The following EP400 variants were observed in gnomAD, a reference collection of about 807,000 sequenced individuals.
EP400 encodes the protein E1A-binding protein p400.
Under a neutral mutation model 354.1 loss-of-function variants are expected in EP400, and 105 were observed. That is an observed-to-expected ratio of 0.30 (90% CI 0.25 to 0.35). The LOEUF (loss-of-function observed/expected upper bound fraction) is 0.35. Among genes scored for constraint, EP400 ranks in the 10% least tolerant of loss-of-function variants. The pLI is 1.00. For synonymous variants in EP400, 1,646 were observed against 1,716.9 expected (o/e 0.96, Z 1.02); for missense variants, 3,280 against 4,121.0 (o/e 0.80, Z 5.59).
At position 132,044,939 on chromosome 12, in the gene EP400, A is replaced by C; in HGVS notation, c.6770A>C (p.Lys2257Thr). 2 of 1,614,082 alleles carry C rather than the reference A, an allele frequency of 1.2e-6. No homozygotes were observed. Among genetic ancestry groups the C allele is most frequent in the Non-Finnish European group, 1.7e-6 (2 of 1,180,028 alleles). Reference sequence around the variant, plus strand: ...GTGAGGAAGGAGCGGAAGCGACACAAAACAGACCCCTCAGGTGCGCATCCC... The same window carrying C: ...GTGAGGAAGGAGCGGAAGCGACACACAACAGACCCCTCAGGTGCGCATCCC... ...VYVRKERKRH[K>T]TDPSAAGRKK... The change falls in exon 37 of 53, where the codon AAA (lysine) becomes ACA (threonine). Residue 2257 changes from lysine to threonine, a missense_variant. Coordinates refer to ENST00000389561, the MANE Select transcript of EP400 (RefSeq NM_015409.5).
At chr12:131,978,404 T>C (rs564982043) in intron 2 of EP400, among the ~76,000 whole-genome samples, 1 of 152,350 alleles carries the variant, frequency 6.6e-6, no homozygotes, top group East Asian at 1.9e-4. Context: ...TCCTCCCCTC[T>C]GCTTTGCACC....
rs1896329106 is a variant in EP400, at chr12:132,079,752, C to G, written c.*2079C>G. ...TGGAGTTTCCGCCCCGATCTCACGTCAGTGAGGGTCTCCTGTCTCTCAAGT... is the reference window on the plus strand; with the variant it reads ...TGGAGTTTCCGCCCCGATCTCACGTGAGTGAGGGTCTCCTGTCTCTCAAGT... On this transcript the variant is annotated 3_prime_UTR_variant, in exon 53 of 53. Transcript: ENST00000389561. 1.3e-5 allele frequency: 2 copies of G among 152,384 alleles called. No individual in the cohort carries two copies. Among genetic ancestry groups the G allele is most frequent in the African/African-American group, 4.8e-5 (2 of 41,596 alleles). 9.4% of individuals were successfully genotyped at this position (152,384 alleles called of 1,614,324 possible). A position where few individuals can be genotyped will look rare whatever the true frequency, so the allele number is the denominator to read the frequency against.
intron 1 of EP400, among the ~76,000 whole-genome samples, chr12:131,957,272 C>T (rs1218193515): frequency 6.6e-6 from 1 of 152,008 alleles, no homozygotes; most frequent in African/African-American, 2.4e-5. Flanking sequence ...TTTGTCGTAC[C>T]TAGTTCAAAT....
intron 27 of EP400, among the ~76,000 whole-genome samples, chr12:132,028,734 G>A (rs901506408): frequency 2.0e-5 from 3 of 152,092 alleles, no homozygotes; most frequent in South Asian, 2.1e-4. Flanking sequence ...GTGGGCACCC[G>A]GCCGCTCTCA....
intron 7 of EP400, among the ~76,000 whole-genome samples, chr12:131,989,440 C>A (rs1593329369): frequency 6.6e-6 from 1 of 152,226 alleles, no homozygotes; most frequent in East Asian, 1.9e-4. Context: ...GGGTGACAGC[C>A]ATTGTGCTCT....
Position 132,053,377 on chromosome 12 carries a change from C to T in EP400, c.7508C>T (p.Ala2503Val). ...GATCAGCAGAAGGCACAGCAGCCGG[C>T]CGTGGCCCAGCCACCCCCGCCCCAG... is the stretch of plus-strand genomic sequence containing the variant. ...LADQQKAQQP[A>V]VAQPPPPQPQ... Residue 2503 changes from alanine to valine, a missense_variant, in exon 43 of 53, where the codon GCC becomes GTC. Ala to Val is a moderately conservative substitution (Grantham distance 64, BLOSUM62 0). This residue lies in a region of EP400 where 255 missense variants were observed against 295.9 expected (regional missense o/e 0.86). Coordinates refer to ENST00000389561, the MANE Select transcript of EP400 (RefSeq NM_015409.5). The T allele has an allele frequency of 1.3e-6, 2 of 1,569,124 alleles. No individual in the cohort carries two copies. The highest frequency in any genetic ancestry group is 4.5e-5 in the East Asian group (2 of 44,420).
chr12:132,060,651 C>T (rs1481986449), intron 45 of EP400, among the ~76,000 whole-genome samples: 2 of 152,134 alleles, frequency 1.3e-5, no homozygotes, highest in Non-Finnish European at 2.9e-5. Flanking sequence ...GGTGTGGTGG[C>T]CCACACCTAT....
chr12:132,008,668 T>C (rs1309053433), intron 15 of EP400, among the ~76,000 whole-genome samples: 1 of 151,182 alleles, frequency 6.6e-6, no homozygotes, highest in Non-Finnish European at 1.5e-5. Context: ...GCACGTTCCG[T>C]CTCCTGGGCT....
In EP400 at chr12:132,032,883, CCTCCCAAAGTGCTGGGATT is replaced by C. The variant is rs1307725162; in HGVS notation, c.5951+735_5951+753del. ...TGACCTCGTGATCCGCCCGCCGTGG[CCTCCCAAAGTGCTGGGATT>C]ACAGGCATGAGCCACTGTGCCCAGC... is the stretch of plus-strand genomic sequence containing the variant. On this transcript the variant is annotated intron_variant, in intron 30 of 52. Coordinates refer to ENST00000389561, the MANE Select transcript of EP400 (RefSeq NM_015409.5). Among the ~76,000 whole-genome samples the C allele has an allele frequency of 3.9e-5, 6 of 152,254 alleles. No individual in the cohort carries two copies. The East Asian group carries it at 7.7e-4, about 20-fold the overall frequency.
chr12:132,062,221 G>T lies in EP400; in HGVS notation c.7996G>T (p.Gly2666Cys). The T allele has an allele frequency of 1.2e-6, 2 of 1,614,176 alleles. No homozygotes were observed. Among genetic ancestry groups the T allele is most frequent in the South Asian group, 2.2e-5 (2 of 91,080 alleles). ...PDLVSMATTQ[G>C]VRAVTSVTAS... ...CCTGGTGTCCATGGCAACGACTCAG[G>T]GTGTTCGAGCGGTCACTTCTGTGAC... Residue 2666 changes from glycine to cysteine, a missense_variant, in exon 46 of 53, where the codon GGT (glycine) becomes TGT (cysteine). Physicochemically the swap from Gly to Cys is radical, Grantham distance 159. Around this residue, in one of 20 missense-constraint regions of EP400, gnomAD observed 255 missense variants for 295.9 expected, o/e 0.86. Coordinates refer to ENST00000389561, the MANE Select transcript of EP400 (RefSeq NM_015409.5).
chr12:132,044,571 C>A, intron 35 of EP400, 100 bp from the exon 36 acceptor site: 1 of 1,434,002 alleles, frequency 7.0e-7, no homozygotes, highest in Non-Finnish European at 9.7e-7. Flanking sequence ...TTGATCAGAA[C>A]TTATTTGAAA....
At position 131,961,894 on chromosome 12, in the gene EP400, TGAA is replaced by T. The variant is rs369745522; in HGVS notation, c.1281_1283del (p.Glu437del). On this transcript the variant is annotated inframe_deletion, in exon 2 of 53. Transcript: ENST00000389561. ...ATCTTAGGCAGAATGATTTGGACAT[TGAA>T]GAAGAGGAGGAGGAGGAGGAAGAGG... 6.6e-5 allele frequency: 106 copies of T among 1,613,922 alleles called. No individual in the cohort carries two copies. The highest frequency in any genetic ancestry group is 8.5e-5 in the Non-Finnish European group (100 of 1,180,010).
At chr12:131,989,640 T>C (rs1340748449) in intron 7 of EP400, among the ~76,000 whole-genome samples, 1 of 152,186 alleles carries the variant, frequency 6.6e-6, no homozygotes, top group African/African-American at 2.4e-5. Flanking sequence ...TGCCGACCCA[T>C]GTTTATTGAA....
chr12:132,033,779 G>A (rs142319956), intron 30 of EP400, among the ~76,000 whole-genome samples: 13 of 152,258 alleles, frequency 8.5e-5, no homozygotes, highest in East Asian at 1.9e-4. Context: ...CAGTCAGCCC[G>A]CCTCAGCCTC....
chr12:132,045,242 C>A, intron 37 of EP400, 77 bp from the exon 38 acceptor site: 1 of 1,573,778 alleles, frequency 6.4e-7, no homozygotes, highest in Non-Finnish European at 8.6e-7. Flanking sequence ...CTTGCCTGAC[C>A]TGTTTCCTTT....
chr12:131,990,032 G>A lies in EP400; in HGVS notation c.2478G>A (p.Glu826=). 1.2e-6 allele frequency: 2 copies of A among 1,613,806 alleles called. No homozygotes were observed. Among genetic ancestry groups the A allele is most frequent in the Non-Finnish European group, 1.7e-6 (2 of 1,179,944 alleles). The change falls in exon 8 of 53, where the codon GAG becomes GAA. Residue 826 remains glutamate (E), a synonymous_variant. Coordinates refer to ENST00000389561, the MANE Select transcript of EP400 (RefSeq NM_015409.5). This position sits in a 1 kb window ranked among gnomAD's most constrained non-coding sequence, Gnocchi z 4.2. ...QLREERGKKE[E]QSRLRRIAAS... is the part of the protein sequence containing the mutation. ...GTGAAGAAAGGGGGAAGAAGGAAGA[G>A]CAGAGCAGACTGAGGCGGATAGCCG...
In EP400 at chr12:132,035,781, C is replaced by T. The variant is rs577689161; in HGVS notation, c.5952-1901C>T. Among the ~76,000 whole-genome samples the T allele has an allele frequency of 1.1e-4, 17 of 149,330 alleles. No individual in the cohort carries two copies. In the East Asian group the frequency reaches 1.6e-3, roughly 14 times the overall value. On this transcript the variant is annotated intron_variant, in intron 30 of 52. Transcript: ENST00000389561. Reference sequence around the variant, plus strand: ...TTGGAAGCACACAGCCAGGTTCACACGGAACGTCGTGGAAGGACATACCCA... The same window carrying T: ...TTGGAAGCACACAGCCAGGTTCACATGGAACGTCGTGGAAGGACATACCCA...
chr12:132,003,002 A>G lies in EP400; in HGVS notation c.2828-2075A>G, dbSNP rs576708855. Among the ~76,000 whole-genome samples the G allele has an allele frequency of 3.9e-5, 6 of 152,296 alleles. No homozygotes were observed. The South Asian group carries it at 1.2e-3, about 32-fold the overall frequency. ...GGTTTCAAATCCATGAATTTGATCA[A>G]CTACAGATAGAAAATATTTACCAAA... On this transcript the variant is annotated intron_variant, in intron 12 of 52. Transcript: ENST00000389561.
intron 30 of EP400, among the ~76,000 whole-genome samples, chr12:132,032,930 A>G (rs1894572151): frequency 1.3e-5 from 2 of 151,610 alleles, no homozygotes; most frequent in East Asian, 2.0e-4. Context: ...TGCCCAGCCA[A>G]AATCTATTAT....
Sources: gnomAD v4.1 joint callset for allele counts (sites outside exome capture counted in the v4.1 genomes callset) on GRCh38, gnomAD v4.1.1 for gene constraint, gnomAD v4.1.1 regional missense constraint, Gnocchi (gnomAD v3.1) non-coding constraint, MANE v1.5 for transcripts, NCBI Gene and HGNC (gene_info 2026-07-23, HGNC 2026-07-21) for gene names.